Variants in GPHN observed in about 807,000 individuals in gnomAD.
GPHN encodes the protein gephyrin.
A neutral mutation model predicts 95.5 loss-of-function variants in GPHN; 17 were observed. That is an observed-to-expected ratio of 0.18 (90% CI 0.12 to 0.27). GPHN has a LOEUF of 0.27. Among genes scored for constraint, GPHN ranks in the 10% least tolerant of loss-of-function variants. The pLI is 1.00. For missense variants in GPHN, 660 were observed against 978.1 expected, an observed-to-expected ratio of 0.67 and a Z score of 4.34; for synonymous variants, 320 against 322.5, an observed-to-expected ratio of 0.99 and a Z score of 0.08.
At chr14:67,662,513 C>T in the GPHN span, 2 of 1,611,168 alleles carry the variant, frequency 1.2e-6, no homozygotes, top group South Asian at 2.2e-5. Flanking sequence ...CATCAAAATC[C>T]CTGATCAATT....
At chr14:66,936,796 A>G (rs1367758575) in intron 8 of GPHN, among the ~76,000 whole-genome samples, 1 of 152,250 alleles carries the variant, frequency 6.6e-6, no homozygotes, top group Non-Finnish European at 1.5e-5. Flanking sequence ...ATTTATAAAT[A>G]GAAAATTTGT....
At chr14:67,674,564 C>T in the GPHN span, 8 of 1,352,522 alleles carry the variant, frequency 5.9e-6, no homozygotes, top group African/African-American at 1.2e-4. Context: ...CGGTCAGCCG[C>T]CCAGCCCAGT....
At chr14:67,256,125 C>G in the GPHN span, among the ~76,000 whole-genome samples, 2 of 152,040 alleles carry the variant, frequency 1.3e-5, no homozygotes, top group Non-Finnish European at 2.9e-5. Flanking sequence ...TGTAAGATAT[C>G]CAAATAGTAT....
rs1317419364 is a variant in GPHN, at chr14:67,030,574, C to CAA, written c.1006+6902_1006+6903dup. 3.9e-5 allele frequency among the ~76,000 whole-genome samples: 6 copies of CAA among 152,234 alleles called. No individual in the cohort carries two copies. The East Asian group carries it at 1.2e-3, about 29-fold the overall frequency. ...CAAAATGCTGATTTCTCATTTCTTC[C>CAA]AAAACCTGGATAACTCCTACTTATC... is the stretch of plus-strand genomic sequence containing the variant. On this transcript the variant is annotated intron_variant, in intron 10 of 22. Transcript: ENST00000478722.
At chr14:67,719,111 G>A in the GPHN span, among the ~76,000 whole-genome samples, 1 of 152,176 alleles carries the variant, frequency 6.6e-6, no homozygotes, top group Non-Finnish European at 1.5e-5. Flanking sequence ...CCTCATATCG[G>A]AGTTATCCTT....
chr14:67,416,722 C>T, the GPHN span, among the ~76,000 whole-genome samples: 2 of 152,314 alleles, frequency 1.3e-5, no homozygotes, highest in East Asian at 1.9e-4. Context: ...CACAGACCTG[C>T]CCTGGGGCCT....
At chr14:67,089,141 T>TTTTTTTTTTTTTTTTTTTTTTA in intron 12 of GPHN, 66 bp downstream of exon 12, 1 of 393,258 alleles carries the variant, frequency 2.5e-6, no homozygotes, top group East Asian at 8.6e-5. Flanking sequence ...TTCTTTTTTT[T>TTTTTTTTTTTTTTTTTTTTTTA]TTTTTTTTTT....
At chr14:66,891,738 G>A (rs1398166368) in intron 5 of GPHN, among the ~76,000 whole-genome samples, 1 of 151,354 alleles carries the variant, frequency 6.6e-6, no homozygotes, top group East Asian at 1.9e-4. Context: ...TATCTGGCAA[G>A]GTATTAATAT....
At chr14:67,134,637 G>A (rs188086304) in intron 17 of GPHN, among the ~76,000 whole-genome samples, 193 of 152,274 alleles carry the variant, frequency 1.3e-3, no homozygotes, top group Non-Finnish European at 2.1e-3. Context: ...GAAATGAGAC[G>A]CTGTCTTGTG....
the GPHN span, among the ~76,000 whole-genome samples, chr14:67,410,076 A>G: frequency 6.6e-5 from 10 of 152,020 alleles, no homozygotes; most frequent in African/African-American, 2.4e-4. Context: ...GCTTACGGGG[A>G]CCAGATCTGT....
At chr14:67,439,146 T>A in the GPHN span, among the ~76,000 whole-genome samples, 3 of 152,230 alleles carry the variant, frequency 2.0e-5, no homozygotes, top group Admixed American at 6.5e-5. Flanking sequence ...TTTTGTGACT[T>A]CATTATTTTG....
At chr14:66,822,235 C>T (rs1161775826) in intron 3 of GPHN, among the ~76,000 whole-genome samples, 1 of 152,208 alleles carries the variant, frequency 6.6e-6, no homozygotes, top group Non-Finnish European at 1.5e-5. Context: ...CAGGCGTGAG[C>T]CACTGCGTCC....
intron 2 of GPHN, among the ~76,000 whole-genome samples, chr14:66,753,615 A>G (rs1407048829): frequency 6.6e-6 from 1 of 152,114 alleles, no homozygotes; most frequent in Non-Finnish European, 1.5e-5. Flanking sequence ...AACTGCTTGC[A>G]TTATTGGTTT....
At chr14:66,751,658 G>A (rs1192232001) in intron 2 of GPHN, among the ~76,000 whole-genome samples, 2 of 152,004 alleles carry the variant, frequency 1.3e-5, no homozygotes, top group Admixed American at 6.6e-5. Flanking sequence ...TTATTCTGTT[G>A]ATAGTTTCTT....
chr14:66,920,096 TAGATTTGACCCATCCA>T (rs1411269253), intron 6 of GPHN, among the ~76,000 whole-genome samples: 1 of 151,900 alleles, frequency 6.6e-6, no homozygotes, highest in Admixed American at 6.6e-5. Flanking sequence ...AATGGTTAAC[TAGATTTGACCCATCCA>T]AGATACAGCA....
chr14:66,698,173 A>G (rs181021408), intron 2 of GPHN, among the ~76,000 whole-genome samples: 1 of 152,314 alleles, frequency 6.6e-6, no homozygotes, highest in East Asian at 1.9e-4. Flanking sequence ...TTTCATCACA[A>G]GTTAAAAAAT....
chr14:67,199,518 A>G, the GPHN span: 2 of 1,612,326 alleles, frequency 1.2e-6, no homozygotes, highest in Non-Finnish European at 1.7e-6. Flanking sequence ...GCTTCATTTG[A>G]TGCTTCAGTT....
intron 1 of GPHN, among the ~76,000 whole-genome samples, chr14:66,603,001 G>C (rs111488912): frequency 5.2e-4 from 79 of 151,710 alleles, no homozygotes; most frequent in African/African-American, 1.6e-3. Context: ...TTCAATTTTG[G>C]TTCTCTCCGT....
chr14:66,785,565 A>G (rs1410165623), intron 3 of GPHN, among the ~76,000 whole-genome samples: 7 of 152,088 alleles, frequency 4.6e-5, no homozygotes, highest in Admixed American at 4.6e-4. Context: ...ATGCTCCACC[A>G]AAAATTAAAC....
Sources: gnomAD v4.1 joint callset for allele counts (sites outside exome capture counted in the v4.1 genomes callset) on GRCh38, gnomAD v4.1.1 for gene constraint, MANE v1.5 for transcripts, NCBI Gene and HGNC (gene_info 2026-07-23, HGNC 2026-07-21) for gene names.